DPF2: variants seen among roughly 807,000 people sequenced by gnomAD.
The protein encoded by DPF2 is double PHD fingers 2.
A neutral mutation model predicts 59.6 loss-of-function variants in DPF2; 10 were observed. That is an observed-to-expected ratio of 0.17 (90% confidence interval 0.10 to 0.28). DPF2 has a LOEUF of 0.28. Among genes scored for constraint, DPF2 ranks in the 10% least tolerant of loss-of-function variants. DPF2 has a pLI of 1.00. For synonymous variants in DPF2, 189 were observed against 190.6 expected (o/e 0.99, Z 0.07); for missense variants, 315 against 509.4 (o/e 0.62, Z 3.67).
At chr11:65,337,807 A>G (rs535551709) in intron 1 of DPF2, among the ~76,000 whole-genome samples, 1 of 149,048 alleles carries the variant, frequency 6.7e-6, no homozygotes, top group African/African-American at 2.5e-5. Context: ...TGTTTTTTTT[A>G]ATTTTATTTT....
chr11:65,341,411 C>A lies in DPF2; in HGVS notation c.314C>A (p.Thr105Asn). ...FPSIKPDTDQ[T>N]LKKEGLISQD... The stretch of plus-strand genomic sequence containing the variant: ...ACCTTGCTTGCAGACACAGACCAGA[C>A]CCTGAAGAAGGAGGGGCTGATCTCT... The change falls in exon 4 of 11, where the codon ACC becomes AAC. Residue 105 changes from threonine to asparagine, a missense_variant. Physicochemically the swap from Thr to Asn is moderately conservative, Grantham distance 65. Around this residue, in one of 4 missense-constraint regions of DPF2, gnomAD observed 228 missense variants for 275.3 expected, o/e 0.83. Transcript: ENST00000528416. The A allele has an allele frequency of 4.3e-6, 7 of 1,614,180 alleles. No individual in the cohort carries two copies. The highest frequency in any genetic ancestry group is 5.9e-6 in the Non-Finnish European group (7 of 1,180,034).
At position 65,353,606 on chromosome 11, in the gene DPF2, C is replaced by T. The variant is rs1043141788; in HGVS notation, c.*1847C>T. Among the ~76,000 whole-genome samples, 3 of 152,132 alleles carry T rather than the reference C, an allele frequency of 2.0e-5. No individual in the cohort carries two copies. The highest frequency in any genetic ancestry group is 4.4e-5 in the Non-Finnish European group (3 of 68,032). Reference sequence around the variant, plus strand: ...GCAAAGTGAACATGTGGAGAGCTTACGTGGCAGCGCGTATGTCTTCAGTGT... The same window carrying T: ...GCAAAGTGAACATGTGGAGAGCTTATGTGGCAGCGCGTATGTCTTCAGTGT... On this transcript the variant is annotated 3_prime_UTR_variant, in exon 11 of 11. Coordinates refer to ENST00000528416, the MANE Select transcript of DPF2 (RefSeq NM_006268.5).
intron 10 of DPF2, among the ~76,000 whole-genome samples, chr11:65,349,778 A>G (rs957543578): frequency 6.6e-6 from 1 of 151,974 alleles, no homozygotes; most frequent in African/African-American, 2.4e-5. Context: ...CCTGGGCGAC[A>G]GAGCGAGACT....
chr11:65,334,898 G>T (rs1414280798), intron 1 of DPF2, among the ~76,000 whole-genome samples: 1 of 152,140 alleles, frequency 6.6e-6, no homozygotes, highest in Non-Finnish European at 1.5e-5. Context: ...ACGAGGTAAA[G>T]GTTCGGTAAC....
chr11:65,340,359 A>G lies in DPF2; in HGVS notation c.33-26A>G, dbSNP rs201171823. ...CCCTATGCCCCCCGCTCCAACATACACGCCTGATTTCTATCTTCCCTGCAG... is the reference window on the plus strand; with the variant it reads ...CCCTATGCCCCCCGCTCCAACATACGCGCCTGATTTCTATCTTCCCTGCAG... On this transcript the variant is annotated intron_variant, in intron 1 of 10. Transcript: ENST00000528416. 7 of 1,612,062 alleles carry G rather than the reference A, an allele frequency of 4.3e-6. No homozygotes were observed. In the African/African-American group the frequency reaches 8.0e-5, roughly 18 times the overall value.
intron 4 of DPF2, chr11:65,343,376 G>T: frequency 4.9e-6 from 1 of 202,044 alleles, no homozygotes; most frequent in South Asian, 1.5e-4. Context: ...AAACTAGGAG[G>T]CGAGTGTCAG....
At chr11:65,351,003 G>A (rs958553522) in intron 10 of DPF2, among the ~76,000 whole-genome samples, 2 of 150,896 alleles carry the variant, frequency 1.3e-5, no homozygotes, top group African/African-American at 2.4e-5. Flanking sequence ...AATAAAGGGA[G>A]TTAAAAAAAA....
At chr11:65,349,744 C>T (rs1424380516) in intron 10 of DPF2, among the ~76,000 whole-genome samples, 3 of 151,360 alleles carry the variant, frequency 2.0e-5, no homozygotes, top group Non-Finnish European at 4.4e-5. Context: ...TGCAGTGAAC[C>T]GAGATCGCAC....
intron 1 of DPF2, among the ~76,000 whole-genome samples, chr11:65,339,917 T>C (rs1030199900): frequency 1.3e-5 from 2 of 152,238 alleles, no homozygotes; most frequent in African/African-American, 4.8e-5. Flanking sequence ...GACTTTGAAC[T>C]CTTTCCCTCT....
Position 65,343,972 on chromosome 11 carries a change from T to C in DPF2, c.559-19T>C, listed in dbSNP as rs752072748. 6 of 1,613,964 alleles carry C rather than the reference T, an allele frequency of 3.7e-6. No individual in the cohort carries two copies. In the South Asian group the frequency reaches 6.6e-5, roughly 18 times the overall value. ...GCCCAGCTACCAAAATAAGGGTGTC[T>C]CTTTGCTCTTCTTGGCAGGGTAAGG... On this transcript the variant is annotated intron_variant, in intron 5 of 10. Transcript: ENST00000528416.
intron 6 of DPF2, 138 bp downstream of exon 6, chr11:65,344,207 C>T (rs1854462570): frequency 1.2e-5 from 10 of 852,674 alleles, no homozygotes; most frequent in Middle Eastern, 2.4e-4. Flanking sequence ...TGACTGCTTC[C>T]GTCTGAGACC....
chr11:65,344,395 A>G, intron 6 of DPF2: 1 of 645,582 alleles, frequency 1.5e-6, no homozygotes, highest in Non-Finnish European at 2.6e-6. Flanking sequence ...GGGGTCTGAC[A>G]CTGAGTTTTT....
At chr11:65,339,280 C>T (rs1272090668) in intron 1 of DPF2, among the ~76,000 whole-genome samples, 2 of 151,650 alleles carry the variant, frequency 1.3e-5, no homozygotes, top group African/African-American at 4.8e-5. Context: ...AATATAAGAT[C>T]GAGTTTGTTA....
At position 65,345,985 on chromosome 11, in the gene DPF2, G is replaced by C; in HGVS notation, c.831G>C (p.Leu277=). Residue 277 remains leucine, a synonymous_variant, in exon 8 of 11, where the codon CTG becomes CTC. Coordinates refer to ENST00000528416, the MANE Select transcript of DPF2 (RefSeq NM_006268.5). ...CCAACAACTACTGTGACTTCTGCCT[G>C]GGGGACTCAAAGATTAACAAGAAGA... ...ALPNNYCDFC[L]GDSKINKKTG... 1 of 1,614,188 alleles carries C rather than the reference G, an allele frequency of 6.2e-7. No homozygotes were observed. Among genetic ancestry groups the C allele is most frequent in the South Asian group, 1.1e-5 (1 of 91,086 alleles).
intron 1 of DPF2, among the ~76,000 whole-genome samples, chr11:65,334,594 A>C (rs1424676002): frequency 6.6e-6 from 1 of 152,236 alleles, no homozygotes; most frequent in African/African-American, 2.4e-5. Flanking sequence ...AGGGGCATCT[A>C]GGTGGGCATT....
rs1317962316 is a variant in DPF2, at chr11:65,340,251, G to C, written c.33-134G>C. On this transcript the variant is annotated intron_variant, in intron 1 of 10. Coordinates refer to ENST00000528416, the MANE Select transcript of DPF2 (RefSeq NM_006268.5). ...TCGTGTCCCATGAGGCAGAAGTGGA[G>C]GCAAATAGAACGGAAGAGACAGCCA... is the stretch of plus-strand genomic sequence containing the variant. 3.0e-6 allele frequency: 3 copies of C among 991,144 alleles called. No individual in the cohort carries two copies. The African/African-American group carries it at 4.9e-5, about 16-fold the overall frequency. 61.4% of individuals were successfully genotyped at this position (991,144 alleles called of 1,614,324 possible).
chr11:65,336,361 G>A (rs1010252454), intron 1 of DPF2, among the ~76,000 whole-genome samples: 11 of 151,536 alleles, frequency 7.3e-5, no homozygotes, highest in Admixed American at 4.6e-4. Context: ...GTGTGGTGGC[G>A]CACACCTGTA....
At chr11:65,336,733 G>A (rs1225439198) in intron 1 of DPF2, among the ~76,000 whole-genome samples, 1 of 143,100 alleles carries the variant, frequency 7.0e-6, no homozygotes, top group African/African-American at 2.6e-5. Flanking sequence ...AGGTTGCAGT[G>A]AGCCAAGATC....
chr11:65,353,991 G>A lies in DPF2; in HGVS notation c.*2232G>A, dbSNP rs560890090. Among the ~76,000 whole-genome samples the A allele has an allele frequency of 4.6e-5, 7 of 152,348 alleles. No individual in the cohort carries two copies. Among genetic ancestry groups the A allele is most frequent in the Non-Finnish European group, 8.8e-5 (6 of 68,030 alleles). ...AGGTGAGGAAATTTAGGAAGGGTTT[G>A]CGGGAGGTAGGATTTGAGATGGGTC... is the stretch of plus-strand genomic sequence containing the variant. On this transcript the variant is annotated 3_prime_UTR_variant, in exon 11 of 11. Transcript: ENST00000528416.
Sources: gnomAD v4.1 joint callset for allele counts (sites outside exome capture counted in the v4.1 genomes callset) on GRCh38, gnomAD v4.1.1 for gene constraint, gnomAD v4.1.1 regional missense constraint, MANE v1.5 for transcripts, NCBI Gene and HGNC (gene_info 2026-07-23, HGNC 2026-07-21) for gene names.